The following PARP4 variants were observed in gnomAD, a reference collection of about 807,000 sequenced individuals.
PARP4 encodes poly(ADP-ribose) polymerase family member 4.
In PARP4, 120 loss-of-function variants were observed where a neutral mutation model predicts 187.7. That is an observed-to-expected ratio of 0.64 (90% CI 0.55 to 0.74). The LOEUF (loss-of-function observed/expected upper bound fraction) is 0.74, where lower values mean the gene tolerates loss of function less well. Among genes scored for constraint, PARP4 ranks in the 30% least tolerant of loss-of-function variants. PARP4 has a pLI of 0.00. For synonymous variants in PARP4, 654 were observed against 740.9 expected (o/e 0.88, Z 1.90); for missense variants, 1,836 against 2,070.5 (o/e 0.89, Z 2.20).
rs571446930 is a variant in PARP4, at chr13:24,431,055, T to C, written c.4846+322A>G. Among the ~76,000 whole-genome samples, 6 of 152,342 alleles carry C rather than the reference T, an allele frequency of 3.9e-5. No individual in the cohort carries two copies. In the East Asian group the frequency reaches 1.2e-3, roughly 29 times the overall value. On this transcript the variant is annotated intron_variant, in intron 32 of 33. Transcript: ENST00000381989. ...CTCTAAATGACCACATAAGTGGAAC[T>C]TTCTTCCTGACCAATACTTGACTGT...
intron 1 of PARP4, among the ~76,000 whole-genome samples, chr13:24,506,723 G>A (rs1253014891): frequency 6.6e-6 from 1 of 152,178 alleles, no homozygotes; most frequent in African/African-American, 2.4e-5. Flanking sequence ...AGTTCTCCAA[G>A]TCCCCACTAG....
At position 24,431,429 on chromosome 13, in the gene PARP4, A is replaced by G. The variant is rs1486839361; in HGVS notation, c.4794T>C (p.Leu1598=). 1 of 1,602,816 alleles carries G rather than the reference A, an allele frequency of 6.2e-7. No individual in the cohort carries two copies. ...GAAAGCTGTGCAAACCATTTGTATT[A>G]AGATTTAATATAAGTCCCAGTTCTG... ...LTPELGLILN[L]NTNGLHSFLK... is the part of the protein sequence containing the mutation. Residue 1598 remains leucine, a synonymous_variant, in exon 32 of 34, where the codon CTT becomes CTC. Transcript: ENST00000381989.
intron 17 of PARP4, among the ~76,000 whole-genome samples, chr13:24,467,233 A>G (rs899115804): frequency 2.0e-5 from 3 of 152,114 alleles, no homozygotes; most frequent in Admixed American, 2.0e-4. Context: ...CGGCACCACA[A>G]TTTTCTCTTT....
At chr13:24,448,185 G>A (rs1871309320) in intron 25 of PARP4, among the ~76,000 whole-genome samples, 1 of 152,044 alleles carries the variant, frequency 6.6e-6, no homozygotes, top group African/African-American at 2.4e-5. Context: ...ATTCCAGCCT[G>A]GGTGAAAAAG....
chr13:24,487,079 G>GT (rs1873601950), intron 10 of PARP4, among the ~76,000 whole-genome samples: 2 of 149,648 alleles, frequency 1.3e-5, no homozygotes, highest in Non-Finnish European at 3.0e-5. Flanking sequence ...AGCCAACATG[G>GT]TGAAACCTCG....
At chr13:24,499,518 T>A in intron 4 of PARP4, 142 bp from the exon 5 acceptor site, 1 of 629,358 alleles carries the variant, frequency 1.6e-6, no homozygotes, top group Non-Finnish European at 2.6e-6. Flanking sequence ...ACATGGTAAG[T>A]CCCTAAGGCC....
At position 24,459,020 on chromosome 13, in the gene PARP4, T is replaced by C. The variant is rs9581060; in HGVS notation, c.2424+24A>G. ...AAAAGTAGTGTTAAAATAACAGCTC[T>C]TAAGAAATCAAAGATGCACTAACCT... On this transcript the variant is annotated intron_variant, in intron 20 of 33. Coordinates refer to ENST00000381989, the MANE Select transcript of PARP4 (RefSeq NM_006437.4). 2.9e-3 allele frequency: 4,378 copies of C among 1,502,368 alleles called. 103 individuals are homozygous for C. The African/African-American group carries it at 0.052, about 18-fold the overall frequency. The allele number at this position is 1,502,368 out of a possible 1,614,324, so 93.1% of individuals were successfully genotyped here.
At chr13:24,438,751 G>T (rs1375532757) in intron 30 of PARP4, among the ~76,000 whole-genome samples, 1 of 152,140 alleles carries the variant, frequency 6.6e-6, no homozygotes, top group Non-Finnish European at 1.5e-5. Context: ...TCCCTGGAGG[G>T]TCTCATTTCA....
Position 24,490,780 on chromosome 13 carries a change from TG to T in PARP4, c.1101del (p.Asn368ThrfsTer11). The part of the protein sequence containing the change: ...VNVCETNLSK[P>X]NPPSLAKYRA... Reference sequence around the variant, plus strand: ...CGGTATTTGGCCAGGGATGGTGGGTTGGGTTTGGACAAATTAGTTTCACAGA... The same window carrying T: ...CGGTATTTGGCCAGGGATGGTGGGTTGGTTTGGACAAATTAGTTTCACAGA... On this transcript the variant is annotated frameshift_variant, in exon 10 of 34. Transcript: ENST00000381989. LOFTEE classifies it high-confidence loss of function. 6.2e-7 allele frequency: 1 copy of T among 1,614,136 alleles called. No homozygotes were observed. The highest frequency in any genetic ancestry group is 8.5e-7 in the Non-Finnish European group (1 of 1,179,962).
intron 12 of PARP4, among the ~76,000 whole-genome samples, chr13:24,479,977 C>A (rs1873186033): frequency 1.3e-5 from 2 of 151,960 alleles, no homozygotes; most frequent in African/African-American, 4.8e-5. Flanking sequence ...GCCTTAAGAG[C>A]TGTAACACTC....
chr13:24,427,961 T>C (rs1444718819), intron 32 of PARP4, among the ~76,000 whole-genome samples: 1 of 152,070 alleles, frequency 6.6e-6, no homozygotes, highest in African/African-American at 2.4e-5. Flanking sequence ...ACTGATGAAA[T>C]ACCTAATGTG....
intron 16 of PARP4, 146 bp from the exon 17 acceptor site, chr13:24,469,256 C>T (rs531207431): frequency 9.8e-6 from 6 of 614,442 alleles, no homozygotes; most frequent in Admixed American, 5.5e-5. Flanking sequence ...AAGTGATCAT[C>T]GAAATATACT....
chr13:24,497,754 G>A (rs545433006), intron 6 of PARP4, among the ~76,000 whole-genome samples: 3 of 152,356 alleles, frequency 2.0e-5, no homozygotes, highest in Admixed American at 1.3e-4. Context: ...AATTAAGTGA[G>A]ATCATAAGGG....
intron 33 of PARP4, among the ~76,000 whole-genome samples, chr13:24,421,783 C>T (rs1233426145): frequency 5.9e-5 from 9 of 152,286 alleles, no homozygotes; most frequent in Admixed American, 1.3e-4. Context: ...AGTTGTGTCA[C>T]GTAAACCAGG....
chr13:24,480,134 C>T (rs1282770350), intron 12 of PARP4, among the ~76,000 whole-genome samples: 2 of 152,202 alleles, frequency 1.3e-5, no homozygotes, highest in Non-Finnish European at 2.9e-5. Flanking sequence ...CGAGGGTCCG[C>T]GGCTTCATTC....
intron 18 of PARP4, chr13:24,459,617 C>T (rs1017924860): frequency 4.6e-5 from 17 of 366,450 alleles, no homozygotes; most frequent in Non-Finnish European, 7.8e-5. Context: ...AGGGATATAC[C>T]GAAGTATTAA....
intron 20 of PARP4, among the ~76,000 whole-genome samples, chr13:24,457,124 G>A (rs1238633115): frequency 1.3e-5 from 2 of 151,966 alleles, no homozygotes; most frequent in African/African-American, 4.8e-5. Context: ...TTAAAACCGA[G>A]AAGACTAAAA....
intron 11 of PARP4, 75 bp from the exon 12 acceptor site, chr13:24,484,823 G>C: frequency 1.0e-6 from 1 of 967,618 alleles, no homozygotes; most frequent in Middle Eastern, 2.1e-4. Flanking sequence ...ATTTTGGCAG[G>C]TTCCTACTGA....
Position 24,498,201 on chromosome 13 carries a change from A to C in PARP4, c.506T>G (p.Val169Gly), listed in dbSNP as rs116847311. 4.7e-3 allele frequency: 7,550 copies of C among 1,613,074 alleles called. 23 individuals carry two copies. Among genetic ancestry groups the C allele is most frequent in the Non-Finnish European group, 5.8e-3 (6,867 of 1,179,742 alleles). Residue 169 changes from valine (V) to glycine (G), a missense_variant, in exon 6 of 34, where the codon GTG becomes GGG. Physicochemically the swap from Val to Gly is moderately radical, Grantham distance 109. This residue lies in a region of PARP4 where 1,147 missense variants were observed against 1,214.2 expected (regional missense o/e 0.94). Transcript: ENST00000381989. ...CCGCGAACACTGAAGCTCCACCACC[A>C]CAGCTTCCTGGCCTCCCTCCATTCC... ...KVGMEGGQEA[V>G]VVELQCSRDS...
Sources: gnomAD v4.1 joint callset for allele counts (sites outside exome capture counted in the v4.1 genomes callset) on GRCh38, gnomAD v4.1.1 for gene constraint, gnomAD v4.1.1 regional missense constraint, MANE v1.5 for transcripts, NCBI Gene and HGNC (gene_info 2026-07-23, HGNC 2026-07-21) for gene names.